Variants in KLHDC1 observed in about 807,000 individuals in gnomAD.
KLHDC1 encodes the protein kelch domain-containing protein 1.
Under a neutral mutation model 68.3 loss-of-function variants are expected in KLHDC1, and 53 were observed. The ratio of observed to expected loss-of-function variants is 0.78; its 90% CI spans 0.62 to 0.98. The LOEUF (loss-of-function observed/expected upper bound fraction) is 0.98. KLHDC1 is among the 50% of genes least tolerant of loss of function. The pLI, the probability that KLHDC1 is intolerant of heterozygous loss-of-function variation, is 0.00. For synonymous variants in KLHDC1, 148 were observed against 159.0 expected, an observed-to-expected ratio of 0.93 and a Z score of 0.52; for missense variants, 470 against 492.3, an observed-to-expected ratio of 0.95 and a Z score of 0.43.
At chr14:49,703,024 T>A (rs1467864017) in intron 1 of KLHDC1, among the ~76,000 whole-genome samples, 1 of 152,218 alleles carries the variant, frequency 6.6e-6, no homozygotes, top group Non-Finnish European at 1.5e-5. Flanking sequence ...TTCTGTGAGC[T>A]ACTTAATATT....
At chr14:49,737,812 C>T (rs911271505) in intron 10 of KLHDC1, among the ~76,000 whole-genome samples, 5 of 137,580 alleles carry the variant, frequency 3.6e-5, no homozygotes, top group African/African-American at 1.4e-4. Flanking sequence ...ATGGAGGAAC[C>T]AGAGATTGTG....
At chr14:49,747,603 G>T (rs1309916165) in intron 12 of KLHDC1, among the ~76,000 whole-genome samples, 2 of 152,084 alleles carry the variant, frequency 1.3e-5, no homozygotes, top group African/African-American at 4.8e-5. Context: ...TTTTTGGTTG[G>T]GGTGGGACAT....
intron 12 of KLHDC1, among the ~76,000 whole-genome samples, chr14:49,748,498 T>C (rs1889249490): frequency 1.3e-5 from 2 of 152,106 alleles, no homozygotes; most frequent in Non-Finnish European, 2.9e-5. Flanking sequence ...AGATAAGCAA[T>C]GATGCAGAAG....
chr14:49,693,167 G>A lies in KLHDC1; in HGVS notation c.-28G>A. 4 of 1,566,676 alleles carry A rather than the reference G, an allele frequency of 2.6e-6. No homozygotes were observed. Among genetic ancestry groups the A allele is most frequent in the Non-Finnish European group, 1.7e-6 (2 of 1,157,886 alleles). On this transcript the variant is annotated 5_prime_UTR_variant, in exon 1 of 13. Coordinates refer to ENST00000359332, the MANE Select transcript of KLHDC1 (RefSeq NM_172193.3). Reference sequence around the variant, plus strand: ...GCCGGGCGGGCAGGGGTTGTGGCGCGGCAAGCGGCGGGCCAGCGACGGCGC... The same window carrying A: ...GCCGGGCGGGCAGGGGTTGTGGCGCAGCAAGCGGCGGGCCAGCGACGGCGC...
At chr14:49,747,183 G>C (rs531082684) in intron 12 of KLHDC1, among the ~76,000 whole-genome samples, 2 of 152,074 alleles carry the variant, frequency 1.3e-5, no homozygotes, top group East Asian at 3.9e-4. Flanking sequence ...TCCTGACCTC[G>C]TGATTCACCC....
At chr14:49,710,456 C>T in intron 4 of KLHDC1, 75 bp downstream of exon 4, 2 of 768,400 alleles carry the variant, frequency 2.6e-6, no homozygotes, top group Non-Finnish European at 4.5e-6. Context: ...ATACAGAATG[C>T]TTAAAGGTAT....
chr14:49,694,133 G>A (rs1267952655), intron 1 of KLHDC1, among the ~76,000 whole-genome samples: 1 of 152,088 alleles, frequency 6.6e-6, no homozygotes, highest in Non-Finnish European at 1.5e-5. Flanking sequence ...ATAGACGCAT[G>A]TTAGCAATAA....
intron 1 of KLHDC1, among the ~76,000 whole-genome samples, chr14:49,697,951 G>C (rs1204704658): frequency 6.6e-6 from 1 of 152,130 alleles, no homozygotes. Context: ...ATTTCCAAAG[G>C]CAACTTTTTA....
In KLHDC1 at chr14:49,693,124, G is replaced by C. The variant is rs1887610354; in HGVS notation, c.-71G>C. On this transcript the variant is annotated 5_prime_UTR_variant, in exon 1 of 13. Coordinates refer to ENST00000359332, the MANE Select transcript of KLHDC1 (RefSeq NM_172193.3). The stretch of plus-strand genomic sequence containing the variant: ...CGTTCCGTTCGTGCGTGGAGCAGTC[G>C]GGGCTGGAGGCGAGGCCGCCGGGCG... 1 of 1,338,672 alleles carries C rather than the reference G, an allele frequency of 7.5e-7. No homozygotes were observed. The highest frequency in any genetic ancestry group is 1.3e-5 in the South Asian group (1 of 76,204). 82.9% of individuals were successfully genotyped at this position (1,338,672 alleles called of 1,614,324 possible).
rs563542701 is a variant in KLHDC1, at chr14:49,752,810, C to T, written c.*1038C>T. 11 of 151,970 alleles carry T rather than the reference C, an allele frequency of 7.2e-5. No individual in the cohort carries two copies. Among genetic ancestry groups the T allele is most frequent in the Non-Finnish European group, 1.5e-4 (10 of 67,952 alleles). The allele number at this position is 151,970 out of a possible 1,614,324, so 9.4% of individuals were successfully genotyped here. A position where few individuals can be genotyped will look rare whatever the true frequency, so the allele number is the denominator to read the frequency against. On this transcript the variant is annotated 3_prime_UTR_variant, in exon 13 of 13. Transcript: ENST00000359332. ...TTTCTTCATATTATCACAATCATGCCCTTCCATTGAATTATTAATTACAAT... is the reference window on the plus strand; with the variant it reads ...TTTCTTCATATTATCACAATCATGCTCTTCCATTGAATTATTAATTACAAT...
rs747476985 is a variant in KLHDC1 at position 49,751,652 on chromosome 14, T to G, written c.1101T>G (p.Pro367=). 1 of 1,606,808 alleles carries G rather than the reference T, an allele frequency of 6.2e-7. No homozygotes were observed. The highest frequency in any genetic ancestry group is 1.7e-5 in the Admixed American group (1 of 59,496). Residue 367 remains proline, a synonymous_variant, in exon 13 of 13, where the codon CCT becomes CCG. Coordinates refer to ENST00000359332, the MANE Select transcript of KLHDC1 (RefSeq NM_172193.3). ...AAAGTCAGATATCTTTATTACCTCC[T>G]AAACTTCTGCAACAAGTACTCAAAA... is the stretch of plus-strand genomic sequence containing the variant. ...MLESQISLLP[P]KLLQQVLKKI... is the part of the protein sequence containing the mutation.
intron 1 of KLHDC1, among the ~76,000 whole-genome samples, chr14:49,701,907 G>A (rs1025654916): frequency 3.0e-4 from 46 of 151,850 alleles, no homozygotes; most frequent in South Asian, 6.2e-4. Flanking sequence ...GGTGGCTCAC[G>A]CCTGTAATCC....
intron 4 of KLHDC1, among the ~76,000 whole-genome samples, chr14:49,723,350 T>C (rs542667570): frequency 6.6e-6 from 1 of 151,596 alleles, no homozygotes; most frequent in African/African-American, 2.4e-5. Context: ...TTGGGCAATA[T>C]GGTGAAACCC....
rs1322792338 is a variant in KLHDC1 at position 49,709,759 on chromosome 14, G to A, written c.218G>A (p.Cys73Tyr). The A allele has an allele frequency of 6.2e-7, 1 of 1,605,066 alleles. No homozygotes were observed. Among genetic ancestry groups the A allele is most frequent in the Non-Finnish European group, 8.5e-7 (1 of 1,176,424 alleles). ...CTCCCAGCCTCCATGTCAGGAAGCT[G>A]TGGTGCTTGCATTAATGGAAAGCTG... ...GELPASMSGS[C>Y]GACINGKLYI... Residue 73 changes from cysteine (C) to tyrosine (Y), a missense_variant, in exon 3 of 13, where the codon TGT (cysteine) becomes TAT (tyrosine). Transcript: ENST00000359332.
At chr14:49,705,261 A>T (rs1304283742) in intron 1 of KLHDC1, among the ~76,000 whole-genome samples, 1 of 152,056 alleles carries the variant, frequency 6.6e-6, no homozygotes, top group Non-Finnish European at 1.5e-5. Flanking sequence ...CTACCATATA[A>T]TACAGAATCA....
chr14:49,715,545 G>A (rs1008466476), intron 4 of KLHDC1, among the ~76,000 whole-genome samples: 2 of 150,662 alleles, frequency 1.3e-5, no homozygotes, highest in Non-Finnish European at 3.0e-5. Flanking sequence ...TCAGGAGTTC[G>A]AGACCAGCCT....
chr14:49,743,457 G>A (rs1026091042), intron 11 of KLHDC1, among the ~76,000 whole-genome samples: 7 of 149,558 alleles, frequency 4.7e-5, no homozygotes, highest in South Asian at 2.1e-4. Context: ...CTCACTTCTC[G>A]GTGAAGAATG....
intron 11 of KLHDC1, among the ~76,000 whole-genome samples, chr14:49,743,103 A>AAACC (rs1005176154): frequency 1.3e-5 from 2 of 150,840 alleles, no homozygotes; most frequent in African/African-American, 4.9e-5. Flanking sequence ...AAAGGTTTGA[A>AAACC]AACCACTACT....
intron 1 of KLHDC1, among the ~76,000 whole-genome samples, chr14:49,698,086 A>G (rs188022638): frequency 6.6e-6 from 1 of 152,346 alleles, no homozygotes; most frequent in East Asian, 1.9e-4. Context: ...GATTGTTTTG[A>G]GTTCTGCCAC....
Sources: gnomAD v4.1 joint callset for allele counts (sites outside exome capture counted in the v4.1 genomes callset) on GRCh38, gnomAD v4.1.1 for gene constraint, MANE v1.5 for transcripts, NCBI Gene and HGNC (gene_info 2026-07-23, HGNC 2026-07-21) for gene names.